DAB1: variants seen among roughly 807,000 people sequenced by gnomAD.
DAB1 encodes the protein disabled homolog 1.
In DAB1, 15 loss-of-function variants were observed where a neutral mutation model predicts 64.6. The ratio of observed to expected loss-of-function variants is 0.23; its 90% CI spans 0.16 to 0.36. The LOEUF (loss-of-function observed/expected upper bound fraction) is 0.36, where lower values mean the gene tolerates loss of function less well. Among genes scored for constraint, DAB1 ranks in the 10% least tolerant of loss-of-function variants. The probability of loss-of-function intolerance (pLI) is 1.00; values close to 1 mark genes in which losing one functional copy is unlikely to be tolerated. For missense variants in DAB1, 596 were observed against 706.7 expected, an observed-to-expected ratio of 0.84 and a Z score of 1.78; for synonymous variants, 235 against 251.9, an observed-to-expected ratio of 0.93 and a Z score of 0.64.
In DAB1 at chr1:57,757,162, C is replaced by T. The variant is rs1648847518; in HGVS notation, n.552-107497G>A. Among the ~76,000 whole-genome samples the T allele has an allele frequency of 6.0e-5, 9 of 149,078 alleles. 1 individual carries two copies. The highest frequency in any genetic ancestry group is 2.2e-4 in the African/African-American group (9 of 40,940). On this transcript the variant is annotated intron_variant and non_coding_transcript_variant, in intron 6 of 20. Coordinates refer to the DAB1 transcript ENST00000485760. ...TGAGATTCTGCATTTCTAAAAAGTC[C>T]CCAGGTGAGGTCCATGCTGCTGGCC...
intron 3 of DAB1, among the ~76,000 whole-genome samples, chr1:58,449,772 C>T (rs1298561712): frequency 1.3e-5 from 2 of 152,312 alleles, no homozygotes; most frequent in Admixed American, 1.3e-4. Flanking sequence ...TACAGATCCC[C>T]TCATTTAAGG....
At chr1:57,228,034 G>C (rs1667402814) in intron 2 of DAB1, among the ~76,000 whole-genome samples, 1 of 152,142 alleles carries the variant, frequency 6.6e-6, no homozygotes, top group South Asian at 2.1e-4. Context: ...TTGTTCCTGA[G>C]GCATCAAAGG....
chr1:58,048,369 C>T lies in DAB1; in HGVS notation n.387+102142G>A, dbSNP rs1647384725. On this transcript the variant is annotated intron_variant and non_coding_transcript_variant, in intron 5 of 20. Coordinates refer to the DAB1 transcript ENST00000485760. ...TTGCCCAAATCACTGTAGCTTCCAC[C>T]ACCTCCAAAACTGCTTCCACTGCCA... is the stretch of plus-strand genomic sequence containing the variant. 3.1e-6 allele frequency: 3 copies of T among 971,630 alleles called. No homozygotes were observed. In the South Asian group the frequency reaches 3.8e-5, roughly 12 times the overall value. The allele number at this position is 971,630 out of a possible 1,614,324, so 60.2% of individuals were successfully genotyped here.
intron 5 of DAB1, among the ~76,000 whole-genome samples, chr1:58,074,908 C>T (rs1290042266): frequency 6.6e-6 from 1 of 152,078 alleles, no homozygotes; most frequent in African/African-American, 2.4e-5. Flanking sequence ...CACTCTGTCC[C>T]CCGGGAGCAG....
chr1:57,657,914 G>C (rs773728181), intron 6 of DAB1, among the ~76,000 whole-genome samples: 1 of 152,042 alleles, frequency 6.6e-6, no homozygotes, highest in East Asian at 1.9e-4. Flanking sequence ...ATAAATCTTC[G>C]ACCCCTAGTA....
At chr1:57,624,649 T>C (rs992286145) in intron 7 of DAB1, among the ~76,000 whole-genome samples, 1 of 152,236 alleles carries the variant, frequency 6.6e-6, no homozygotes, top group Admixed American at 6.5e-5. Context: ...ATTATGCACT[T>C]ACAAACGGTA....
chr1:58,481,139 T>G, intron 3 of DAB1: 1 of 865,564 alleles, frequency 1.2e-6, no homozygotes, highest in Non-Finnish European at 2.0e-6. Context: ...GATTAGACAG[T>G]GGTGGACAAT....
At chr1:58,197,680 C>T (rs1038902650) in intron 4 of DAB1, among the ~76,000 whole-genome samples, 3 of 150,034 alleles carry the variant, frequency 2.0e-5, no homozygotes, top group Non-Finnish European at 4.4e-5. Flanking sequence ...AGGCATGAGC[C>T]ACCATGCCCA....
chr1:58,306,249 GACA>G (rs1459220959), intron 4 of DAB1, among the ~76,000 whole-genome samples: 3 of 152,142 alleles, frequency 2.0e-5, no homozygotes, highest in Non-Finnish European at 2.9e-5. Context: ...AGGCTAATTT[GACA>G]ACAATAGTTC....
chr1:58,073,757 G>C (rs537895176), intron 5 of DAB1, among the ~76,000 whole-genome samples: 1 of 152,296 alleles, frequency 6.6e-6, no homozygotes, highest in South Asian at 2.1e-4. Context: ...TCTGTGATTT[G>C]TTAAGCCTTC....
At position 57,011,211 on chromosome 1, in the gene DAB1, A is replaced by T. The variant is rs1482107675; in HGVS notation, c.1506T>A (p.Asp502Glu). 1 of 1,614,036 alleles carries T rather than the reference A, an allele frequency of 6.2e-7. No homozygotes were observed. Among genetic ancestry groups the T allele is most frequent in the Non-Finnish European group, 8.5e-7 (1 of 1,179,922 alleles). ...PSKSSASHAS[D>E]PTTDDIFEEG... is the part of the protein sequence containing the mutation. ...CTTCAAAGATGTCATCTGTGGTAGGATCACTGGCATGGGATGCAGATGATT... is the reference window on the plus strand; with the variant it reads ...CTTCAAAGATGTCATCTGTGGTAGGTTCACTGGCATGGGATGCAGATGATT... Residue 502 changes from aspartate to glutamate, a missense_variant, in exon 13 of 15, where the codon GAT (aspartate) becomes GAA (glutamate). Asp to Glu is a conservative substitution (Grantham distance 45). Around this residue, in one of 3 missense-constraint regions of DAB1, gnomAD observed 377 missense variants for 400.4 expected, o/e 0.94. Coordinates refer to ENST00000371236, the MANE Select transcript of DAB1 (RefSeq NM_001365792.1).
At chr1:58,367,328 C>T (rs939900322) in intron 3 of DAB1, among the ~76,000 whole-genome samples, 9 of 152,158 alleles carry the variant, frequency 5.9e-5, no homozygotes, top group African/African-American at 1.9e-4. Context: ...AAATATCCAC[C>T]ATAGAAAATG....
intron 4 of DAB1, among the ~76,000 whole-genome samples, chr1:58,310,576 T>C (rs1662407551): frequency 1.3e-5 from 2 of 152,186 alleles, no homozygotes; most frequent in Admixed American, 1.3e-4. Flanking sequence ...CAATGTGTCA[T>C]TTCCAGATGT....
In DAB1 at chr1:57,458,812, A is replaced by G. The variant is rs75378252; in HGVS notation, n.626-167646T>C. On this transcript the variant is annotated intron_variant and non_coding_transcript_variant, in intron 7 of 20. Transcript: ENST00000485760. Reference sequence around the variant, plus strand: ...TCAACTCATGAAAAAGCTGAACAAGATTAAAATTTAGAGAGTGCAATGTAT... The same window carrying G: ...TCAACTCATGAAAAAGCTGAACAAGGTTAAAATTTAGAGAGTGCAATGTAT... Among the ~76,000 whole-genome samples the G allele has an allele frequency of 1.5e-3, 235 of 152,218 alleles. 4 individuals carry two copies. The East Asian group carries it at 0.041, about 27-fold the overall frequency.
chr1:58,069,784 C>G (rs1177749521), intron 5 of DAB1, among the ~76,000 whole-genome samples: 2 of 152,186 alleles, frequency 1.3e-5, no homozygotes, highest in Non-Finnish European at 2.9e-5. Context: ...GCTGAGGAAA[C>G]TGAGGCTCAA....
chr1:57,119,464 T>C (rs1168300488), intron 4 of DAB1, among the ~76,000 whole-genome samples: 1 of 152,144 alleles, frequency 6.6e-6, no homozygotes, highest in Non-Finnish European at 1.5e-5. Flanking sequence ...ACTTTATCAA[T>C]TACCCTGACA....
At chr1:58,164,798 G>T (rs1251084896) in intron 4 of DAB1, among the ~76,000 whole-genome samples, 1 of 152,080 alleles carries the variant, frequency 6.6e-6, no homozygotes, top group Non-Finnish European at 1.5e-5. Context: ...TTTATTAAAT[G>T]CAAGAATCCC....
intron 4 of DAB1, among the ~76,000 whole-genome samples, chr1:57,105,341 A>T (rs1447071524): frequency 6.6e-6 from 1 of 151,974 alleles, no homozygotes; most frequent in Non-Finnish European, 1.5e-5. Context: ...AACCTCAAAG[A>T]GCCCAGAAGA....
chr1:57,371,215 T>G (rs7541150), intron 1 of DAB1, among the ~76,000 whole-genome samples: 17,493 of 152,228 alleles, frequency 0.11, 1,121 homozygotes, highest in Admixed American at 0.15. Context: ...AGACTGAATT[T>G]CAAACGAGGC....
Sources: allele counts gnomAD v4.1 joint callset (sites outside exome capture counted in the v4.1 genomes callset), GRCh38; gene constraint gnomAD v4.1.1; regional missense constraint gnomAD v4.1.1; transcripts MANE v1.5; gene names NCBI Gene and HGNC (gene_info 2026-07-23, HGNC 2026-07-21).